Variants in SOX5 observed in about 807,000 individuals in gnomAD.
The protein encoded by SOX5 is transcription factor SOX-5.
Under a neutral mutation model 92.0 loss-of-function variants are expected in SOX5, and 9 were observed. The ratio of observed to expected loss-of-function variants is 0.10; its 90% CI spans 0.06 to 0.17. The LOEUF (loss-of-function observed/expected upper bound fraction) is 0.17. SOX5 is among the 10% of genes least tolerant of loss of function. The pLI, the probability that SOX5 is intolerant of heterozygous loss-of-function variation, is 1.00. For synonymous variants in SOX5, 344 were observed against 336.3 expected, an observed-to-expected ratio of 1.02 and a Z score of -0.25; for missense variants, 642 against 944.5, an observed-to-expected ratio of 0.68 and a Z score of 4.20.
chr12:24,214,510 C>G (rs1211099918), intron 3 of SOX5, among the ~76,000 whole-genome samples: 1 of 151,940 alleles, frequency 6.6e-6, no homozygotes, highest in East Asian at 1.9e-4. Context: ...CTATTGTCTG[C>G]TTTTTAAGGT....
intron 1 of SOX5, among the ~76,000 whole-genome samples, chr12:24,555,644 A>G (rs890812256): frequency 3.5e-4 from 54 of 152,308 alleles, no homozygotes; most frequent in Non-Finnish European, 1.5e-5. Flanking sequence ...TAGTGAGGTG[A>G]TACTGCCATT....
chr12:24,084,522 A>T (rs1257500059), intron 4 of SOX5, among the ~76,000 whole-genome samples: 1 of 152,094 alleles, frequency 6.6e-6, no homozygotes, highest in Non-Finnish European at 1.5e-5. Context: ...CTTTAAAATG[A>T]AATCTTAGTT....
chr12:24,237,393 C>A (rs1594666196), intron 3 of SOX5, among the ~76,000 whole-genome samples: 1 of 152,116 alleles, frequency 6.6e-6, no homozygotes, highest in Non-Finnish European at 1.5e-5. Flanking sequence ...ATTAATTGAA[C>A]TTTAATTGGT....
intron 11 of SOX5, among the ~76,000 whole-genome samples, chr12:23,550,219 C>T (rs879852790): frequency 2.6e-5 from 4 of 151,762 alleles, no homozygotes; most frequent in African/African-American, 7.3e-5. Context: ...TTCTGAATGG[C>T]GAAAGGCCAC....
rs79204941 is a variant in SOX5 at position 24,065,904 on chromosome 12, G to C, written c.-2+147439C>G. 5.6e-3 allele frequency among the ~76,000 whole-genome samples: 850 copies of C among 152,204 alleles called. 4 individuals are homozygous for C. The highest frequency in any genetic ancestry group is 0.02 in the East Asian group (105 of 5,160). On this transcript the variant is annotated intron_variant, in intron 4 of 4. Transcript: ENST00000446891. ...ACCACCAAAATCCTGAATTAATTCT[G>C]AGTAGGGTGAGGACACAGTTAACTT...
chr12:24,056,600 G>A (rs1026837649), intron 4 of SOX5, among the ~76,000 whole-genome samples: 18 of 152,152 alleles, frequency 1.2e-4, no homozygotes, highest in African/African-American at 3.9e-4. Flanking sequence ...GGTGAGGTGC[G>A]TATTAAAATG....
intron 4 of SOX5, among the ~76,000 whole-genome samples, chr12:24,112,521 CTT>C (rs139323766): frequency 0.037 from 2,779 of 75,368 alleles, 21 homozygotes; most frequent in Middle Eastern, 0.057. Context: ...TTCAAGGTTC[CTT>C]TTTTTTTTTT....
intron 1 of SOX5, among the ~76,000 whole-genome samples, chr12:24,535,936 A>G (rs896135495): frequency 6.6e-6 from 1 of 152,100 alleles, no homozygotes; most frequent in African/African-American, 2.4e-5. Context: ...TGCCACCAAA[A>G]GAATCACAGA....
At chr12:23,872,164 A>ATTTTTTTTTTTTTTTTTTTTTTT (rs71059938) in intron 2 of SOX5, among the ~76,000 whole-genome samples, 4 of 61,650 alleles carry the variant, frequency 6.5e-5, no homozygotes, top group African/African-American at 1.1e-4. Context: ...CGCCCGGCTA[A>ATTTTTTTTTTTTTTTTTTTTTTT]TTTTTTTTTT....
chr12:24,388,259 C>A (rs1037226459), intron 1 of SOX5, among the ~76,000 whole-genome samples: 1 of 152,162 alleles, frequency 6.6e-6, no homozygotes, highest in African/African-American at 2.4e-5. Context: ...ATCTTCACAT[C>A]CAGATGCAAG....
intron 6 of SOX5, among the ~76,000 whole-genome samples, chr12:23,734,160 A>G (rs1435760250): frequency 6.6e-6 from 1 of 152,192 alleles, no homozygotes; most frequent in East Asian, 1.9e-4. Flanking sequence ...AAATTTCCAA[A>G]TAACAAAAAT....
intron 4 of SOX5, among the ~76,000 whole-genome samples, chr12:24,049,395 T>G (rs1170656017): frequency 6.6e-6 from 1 of 152,210 alleles, no homozygotes; most frequent in African/African-American, 2.4e-5. Context: ...ACCAGTGATT[T>G]GAGAGTTGTG....
chr12:23,561,963 T>G (rs905949488), intron 11 of SOX5, among the ~76,000 whole-genome samples: 1 of 152,068 alleles, frequency 6.6e-6, no homozygotes, highest in Non-Finnish European at 1.5e-5. Context: ...TCTGGCTGAG[T>G]GTTAAACTCA....
chr12:23,860,504 G>T (rs888850964), intron 2 of SOX5, among the ~76,000 whole-genome samples: 2 of 152,114 alleles, frequency 1.3e-5, no homozygotes, highest in East Asian at 1.9e-4. Flanking sequence ...GTTTTAAATA[G>T]AATTGGTATG....
chr12:23,596,251 T>C (rs929388289), intron 9 of SOX5, among the ~76,000 whole-genome samples: 1 of 152,198 alleles, frequency 6.6e-6, no homozygotes, highest in Non-Finnish European at 1.5e-5. Flanking sequence ...GCTCTCCATT[T>C]CGTAATGTTT....
intron 1 of SOX5, among the ~76,000 whole-genome samples, chr12:24,514,108 C>A (rs928940244): frequency 3.3e-5 from 5 of 152,242 alleles, no homozygotes; most frequent in African/African-American, 1.2e-4. Flanking sequence ...AATTTAACAA[C>A]AGGGCCTTTC....
chr12:23,741,071 A>G, intron 4 of SOX5, 32 bp from the exon 5 acceptor site: 2 of 1,500,038 alleles, frequency 1.3e-6, no homozygotes, highest in Non-Finnish European at 1.8e-6. Context: ...AACAGACAAA[A>G]TAAATGAAAA....
chr12:23,615,253 A>C (rs1296381677), intron 8 of SOX5, among the ~76,000 whole-genome samples: 1 of 152,058 alleles, frequency 6.6e-6, no homozygotes, highest in Non-Finnish European at 1.5e-5. Flanking sequence ...TTTTGGTAAA[A>C]TATGCATTCA....
intron 3 of SOX5, among the ~76,000 whole-genome samples, chr12:23,844,461 C>T (rs1340847537): frequency 2.0e-5 from 3 of 152,070 alleles, no homozygotes; most frequent in African/African-American, 7.2e-5. Context: ...CTCATATTAA[C>T]ATTATAAGAA....
Sources: allele counts gnomAD v4.1 joint callset (sites outside exome capture counted in the v4.1 genomes callset), GRCh38; gene constraint gnomAD v4.1.1; transcripts MANE v1.5; gene names NCBI Gene and HGNC (gene_info 2026-07-23, HGNC 2026-07-21).